Variants in RBFOX1 observed in about 807,000 individuals in gnomAD.
RBFOX1 encodes the protein RNA binding fox-1 homolog 1.
A neutral mutation model predicts 57.7 loss-of-function variants in RBFOX1; 8 were observed. The observed-to-expected ratio is 0.14, with a 90% CI of 0.08 to 0.25. The LOEUF (loss-of-function observed/expected upper bound fraction) is 0.25. Among genes scored for constraint, RBFOX1 ranks in the 10% least tolerant of loss-of-function variants. The probability of loss-of-function intolerance (pLI) is 1.00; values close to 1 mark genes in which losing one functional copy is unlikely to be tolerated. For synonymous variants in RBFOX1, 326 were observed against 222.4 expected (o/e 1.47, Z -4.15); for missense variants, 611 against 548.5 (o/e 1.11, Z -1.14).
In RBFOX1 at chr16:5,646,234, C is replaced by A. The variant is rs1047961108; in HGVS notation, c.318+47273C>A. On this transcript the variant is annotated intron_variant, in intron 3 of 19. Transcript: ENST00000641259. ...TGGAGACAGGGTTTCACCGTGTTAG[C>A]CAGGATGGTCTCAATCTCTTGACCT... 2.8e-5 allele frequency among the ~76,000 whole-genome samples: 4 copies of A among 144,380 alleles called. No homozygotes were observed. The Admixed American group carries it at 2.9e-4, about 10-fold the overall frequency. The allele number at this position is 144,380 out of a possible 152,430, so 94.7% of individuals were successfully genotyped here.
chr16:7,576,581 A>G (rs1308325231), intron 5 of RBFOX1, among the ~76,000 whole-genome samples: 2 of 152,240 alleles, frequency 1.3e-5, no homozygotes, highest in Non-Finnish European at 2.9e-5. Flanking sequence ...AGCATACACT[A>G]CAAAATGATT....
chr16:5,990,577 A>T (rs1273835382), intron 4 of RBFOX1, among the ~76,000 whole-genome samples: 1 of 152,190 alleles, frequency 6.6e-6, no homozygotes, highest in Non-Finnish European at 1.5e-5. Context: ...GGACAAGGAG[A>T]AGGACAAGCC....
chr16:6,443,379 G>C (rs1402031393), intron 2 of RBFOX1, among the ~76,000 whole-genome samples: 2 of 148,284 alleles, frequency 1.3e-5, no homozygotes, highest in Non-Finnish European at 2.9e-5. Flanking sequence ...TATTTCTTCT[G>C]TTGCTCATTT....
At chr16:6,228,966 G>C (rs1287355931) in intron 1 of RBFOX1, among the ~76,000 whole-genome samples, 1 of 151,868 alleles carries the variant, frequency 6.6e-6, no homozygotes, top group Non-Finnish European at 1.5e-5. Context: ...AGAGGTGAAG[G>C]AAAAAAGTTC....
chr16:6,825,799 G>C (rs1239453351), intron 3 of RBFOX1, among the ~76,000 whole-genome samples: 1 of 152,160 alleles, frequency 6.6e-6, no homozygotes, highest in Non-Finnish European at 1.5e-5. Flanking sequence ...TAAGGGTGGA[G>C]ACAGAGGCAG....
intron 3 of RBFOX1, among the ~76,000 whole-genome samples, chr16:6,746,912 G>C (rs537765607): frequency 6.6e-6 from 1 of 152,180 alleles, no homozygotes; most frequent in Non-Finnish European, 1.5e-5. Flanking sequence ...AGTCTTCTCA[G>C]TATTTTGGGA....
intron 4 of RBFOX1, among the ~76,000 whole-genome samples, chr16:5,988,390 T>C (rs530351906): frequency 1.3e-5 from 2 of 152,250 alleles, no homozygotes; most frequent in Non-Finnish European, 2.9e-5. Context: ...GATTACGTTA[T>C]CAAGCCTCTA....
At chr16:6,734,374 C>G (rs140091359) in intron 3 of RBFOX1, among the ~76,000 whole-genome samples, 1 of 152,168 alleles carries the variant, frequency 6.6e-6, no homozygotes, top group African/African-American at 2.4e-5. Flanking sequence ...AATCATTGAT[C>G]GTAACAGCTC....
At chr16:7,333,186 G>C in intron 4 of RBFOX1, 1 of 1,154,658 alleles carries the variant, frequency 8.7e-7, no homozygotes, top group Non-Finnish European at 1.3e-6. Context: ...TTTTAATACA[G>C]GAAAAAGCCC....
intron 1 of RBFOX1, among the ~76,000 whole-genome samples, chr16:5,385,362 A>C (rs973405957): frequency 1.3e-5 from 2 of 152,232 alleles, no homozygotes; most frequent in African/African-American, 4.8e-5. Flanking sequence ...TTGTCCAGGC[A>C]GAGAGGATGT....
chr16:5,800,523 C>G (rs963200159), intron 3 of RBFOX1, among the ~76,000 whole-genome samples: 1 of 151,970 alleles, frequency 6.6e-6, no homozygotes, highest in African/African-American at 2.4e-5. Flanking sequence ...CAAGGGCTCT[C>G]CAGCACAAAT....
chr16:5,951,462 T>G (rs1177640422), intron 4 of RBFOX1, among the ~76,000 whole-genome samples: 4 of 151,966 alleles, frequency 2.6e-5, no homozygotes, highest in Non-Finnish European at 5.9e-5. Flanking sequence ...TATATGTGTG[T>G]GTGTGTATGT....
At chr16:6,756,999 C>T (rs1056575116) in intron 3 of RBFOX1, among the ~76,000 whole-genome samples, 2 of 144,242 alleles carry the variant, frequency 1.4e-5, no homozygotes, top group Non-Finnish European at 3.0e-5. Context: ...AACAAACAAA[C>T]AAACAAACAA....
chr16:5,683,538 A>G (rs1235756746), intron 3 of RBFOX1, among the ~76,000 whole-genome samples: 1 of 152,034 alleles, frequency 6.6e-6, no homozygotes, highest in Non-Finnish European at 1.5e-5. Flanking sequence ...AAGCAGGCAG[A>G]AAAACCTGAA....
intron 4 of RBFOX1, among the ~76,000 whole-genome samples, chr16:5,887,299 T>A (rs1302404961): frequency 6.6e-6 from 1 of 152,202 alleles, no homozygotes; most frequent in African/African-American, 2.4e-5. Flanking sequence ...CCCCAGTGAA[T>A]GTAACAACTA....
intron 14 of RBFOX1, among the ~76,000 whole-genome samples, chr16:7,684,838 C>T (rs1227039249): frequency 6.6e-6 from 1 of 152,042 alleles, no homozygotes; most frequent in Non-Finnish European, 1.5e-5. Context: ...AATAATTCTT[C>T]CTGGACAATA....
chr16:7,255,214 G>T (rs2094629618), intron 4 of RBFOX1, among the ~76,000 whole-genome samples: 1 of 152,144 alleles, frequency 6.6e-6, no homozygotes, highest in Non-Finnish European at 1.5e-5. Context: ...CTTGCTTAGT[G>T]ATAAACAGCT....
chr16:6,968,240 A>T (rs1443325229), intron 3 of RBFOX1, among the ~76,000 whole-genome samples: 1 of 152,206 alleles, frequency 6.6e-6, no homozygotes, highest in African/African-American at 2.4e-5. Flanking sequence ...TGGTGCCTTT[A>T]ACTCAGCAAA....
intron 2 of RBFOX1, among the ~76,000 whole-genome samples, chr16:6,458,229 T>A (rs1195725164): frequency 6.6e-6 from 1 of 152,106 alleles, no homozygotes; most frequent in African/African-American, 2.4e-5. Flanking sequence ...AGCATGAAGT[T>A]TTTTACCTTG....
Sources: gnomAD v4.1 joint callset for allele counts (sites outside exome capture counted in the v4.1 genomes callset) on GRCh38, gnomAD v4.1.1 for gene constraint, MANE v1.5 for transcripts, NCBI Gene and HGNC (gene_info 2026-07-23, HGNC 2026-07-21) for gene names.